Variants in ARFGAP3 observed in about 807,000 individuals in gnomAD.
The protein encoded by ARFGAP3 is ARF GTPase activating protein 3, also known as ADP-ribosylation factor GTPase-activating protein 3.
Under a neutral mutation model 75.0 loss-of-function variants are expected in ARFGAP3, and 72 were observed. The ratio of observed to expected loss-of-function variants is 0.96; its 90% confidence interval spans 0.79 to 1.17. The LOEUF (loss-of-function observed/expected upper bound fraction) is 1.17. Among genes scored for constraint, ARFGAP3 ranks in the 50% most tolerant of loss-of-function variants. The pLI, the probability that ARFGAP3 is intolerant of heterozygous loss-of-function variation, is 0.00. For missense variants in ARFGAP3, 620 were observed against 626.6 expected, an observed-to-expected ratio of 0.99 and a Z score of 0.11; for synonymous variants, 221 against 217.9, an observed-to-expected ratio of 1.01 and a Z score of -0.13.
At chr22:42,844,623 A>C (rs1926932559) in intron 2 of ARFGAP3, among the ~76,000 whole-genome samples, 1 of 151,440 alleles carries the variant, frequency 6.6e-6, no homozygotes, top group African/African-American at 2.4e-5. Flanking sequence ...AACCCAAAAA[A>C]CTCCCAAGCT....
intron 14 of ARFGAP3, among the ~76,000 whole-genome samples, chr22:42,801,856 G>A (rs969697711): frequency 6.6e-6 from 1 of 152,150 alleles, no homozygotes; most frequent in East Asian, 1.9e-4. Flanking sequence ...TGGTGCAAGG[G>A]GGCCTAACCA....
chr22:42,842,011 CTTTTTTTT>C (rs55825441), intron 2 of ARFGAP3, among the ~76,000 whole-genome samples: 1 of 91,274 alleles, frequency 1.1e-5, no homozygotes, highest in Non-Finnish European at 2.0e-5. Context: ...CCATGCCGGG[CTTTTTTTT>C]TTTTTTTTTT....
chr22:42,799,283 G>A, intron 14 of ARFGAP3, 123 bp from the exon 15 acceptor site: 1 of 1,505,880 alleles, frequency 6.6e-7, no homozygotes. Context: ...GCCTCACAAG[G>A]GGCCCAACAG....
chr22:42,849,475 TTTTTCTTTTTTTTTTAAGGAGACAAGGTC>T (rs1927172747), intron 1 of ARFGAP3, among the ~76,000 whole-genome samples: 3 of 117,504 alleles, frequency 2.6e-5, no homozygotes, highest in Admixed American at 8.4e-5. Context: ...TTTATGGCTT[TTTTTCTTTTTTTTTTAAGGAGACAAGGTC>T]TGGCTCTCAC....
At position 42,831,589 on chromosome 22, in the gene ARFGAP3, T is replaced by TA; in HGVS notation, c.524dup (p.Leu175PhefsTer13). 6.2e-7 allele frequency: 1 copy of TA among 1,614,032 alleles called. No homozygotes were observed. Among genetic ancestry groups the TA allele is most frequent in the Non-Finnish European group, 8.5e-7 (1 of 1,179,974 alleles). Reference sequence around the variant, plus strand: ...AAGTGGTTTCCACAGGCCTTGATGTTAAAGAAGATGGTTCTGCTATTGCTG... The same window carrying TA: ...AAGTGGTTTCCACAGGCCTTGATGTTAAAAGAAGATGGTTCTGCTATTGCTG... On this transcript the variant is annotated frameshift_variant, in exon 6 of 16. Coordinates refer to ENST00000263245, the MANE Select transcript of ARFGAP3 (RefSeq NM_014570.5). LOFTEE classifies it high-confidence loss of function.
At chr22:42,830,638 T>A (rs1926244367) in intron 6 of ARFGAP3, among the ~76,000 whole-genome samples, 1 of 152,258 alleles carries the variant, frequency 6.6e-6, no homozygotes, top group African/African-American at 2.4e-5. Context: ...AAGAGCTGAC[T>A]ACTCATGTCA....
chr22:42,823,932 T>C (rs1351896536), intron 7 of ARFGAP3: 1 of 203,114 alleles, frequency 4.9e-6, no homozygotes, highest in Non-Finnish European at 8.2e-6. Flanking sequence ...TCAGAGAAAA[T>C]GTATTTTTTT....
intron 9 of ARFGAP3, 54 bp downstream of exon 9, chr22:42,822,216 G>T: frequency 1.4e-6 from 2 of 1,389,704 alleles, no homozygotes; most frequent in Non-Finnish European, 2.0e-6. Flanking sequence ...GCAAAATCTT[G>T]AGTTAATAGT....
chr22:42,832,180 C>A lies in ARFGAP3; in HGVS notation c.478-544G>T, dbSNP rs1242666927. ...ATAATAGCAAAAAAAAAAAAAAAAC[C>A]CAAAAAACAAGCTTTAACAACCTGT... On this transcript the variant is annotated intron_variant, in intron 5 of 15. Coordinates refer to ENST00000263245, the MANE Select transcript of ARFGAP3 (RefSeq NM_014570.5). Among the ~76,000 whole-genome samples the A allele has an allele frequency of 7.0e-4, 44 of 63,272 alleles. 1 individual carries two copies. In the South Asian group the frequency reaches 0.015, roughly 22 times the overall value. The allele number at this position is 63,272 out of a possible 152,430, so 41.5% of individuals were successfully genotyped here. A position where few individuals can be genotyped will look rare whatever the true frequency, so the allele number is the denominator to read the frequency against.
rs1926754653 is a variant in ARFGAP3 at position 42,840,951 on chromosome 22, G to C, written c.254C>G (p.Ala85Gly). 1 of 1,613,940 alleles carries C rather than the reference G, an allele frequency of 6.2e-7. No homozygotes were observed. The highest frequency in any genetic ancestry group is 1.3e-5 in the African/African-American group (1 of 74,940). ...AGTTTGAGATGAACTTACTGCACTA[G>C]CGTTTCCTCCGACTTGCATGCATCG... Reference protein sequence around the residue: ...QLRCMQVGGNASASSFFHQHG... With the variant: ...QLRCMQVGGNGSASSFFHQHG... Residue 85 changes from alanine to glycine, a missense_variant, in exon 3 of 16, where the codon GCT (alanine) becomes GGT (glycine). By Grantham distance (60) the Ala-to-Gly change is moderately conservative. Transcript: ENST00000263245.
intron 13 of ARFGAP3, chr22:42,807,380 A>T: frequency 2.2e-6 from 1 of 462,122 alleles, no homozygotes; most frequent in Non-Finnish European, 2.8e-6. Flanking sequence ...ATCAACATAC[A>T]ACACCTCAGC....
intron 6 of ARFGAP3, 143 bp downstream of exon 6, chr22:42,831,406 A>G (rs1227609750): frequency 5.9e-6 from 4 of 676,282 alleles, no homozygotes; most frequent in East Asian, 6.2e-5. Context: ...TGCTGGGCTC[A>G]GGCGATCCCC....
Position 42,823,855 on chromosome 22 carries a change from A to C in ARFGAP3, c.626-153T>G, listed in dbSNP as rs1981720415. 4.3e-6 allele frequency: 3 copies of C among 691,252 alleles called. No homozygotes were observed. In the South Asian group the frequency reaches 1.9e-4, roughly 44 times the overall value. The allele number at this position is 691,252 out of a possible 1,614,324, so 42.8% of individuals were successfully genotyped here. A position where few individuals can be genotyped will look rare whatever the true frequency, so the allele number is the denominator to read the frequency against. ...CTCATCCAGAAGACTCAAGTTGATAAGCATATTTTGGATTAACAGAACTTT... is the reference window on the plus strand; with the variant it reads ...CTCATCCAGAAGACTCAAGTTGATACGCATATTTTGGATTAACAGAACTTT... On this transcript the variant is annotated intron_variant, in intron 7 of 15. Transcript: ENST00000263245.
chr22:42,843,024 C>T (rs547584691), intron 2 of ARFGAP3, among the ~76,000 whole-genome samples: 6 of 152,066 alleles, frequency 3.9e-5, no homozygotes, highest in Non-Finnish European at 8.8e-5. Context: ...GAAAGCAAGA[C>T]ATTCAGAGGT....
At chr22:42,834,624 T>C (rs1285225797) in intron 4 of ARFGAP3, among the ~76,000 whole-genome samples, 1 of 152,234 alleles carries the variant, frequency 6.6e-6, no homozygotes, top group Non-Finnish European at 1.5e-5. Context: ...CAATCCTTGT[T>C]ATTCATGGAT....
chr22:42,807,174 C>T lies in ARFGAP3; in HGVS notation c.1321-11G>A. On this transcript the variant is annotated splice_polypyrimidine_tract_variant and intron_variant, in intron 13 of 15. Coordinates refer to ENST00000263245, the MANE Select transcript of ARFGAP3 (RefSeq NM_014570.5). ...GGCCCTGGTCTCATACTAGAGAAGA[C>T]AAGGAAAAGGAAATGTTAGGCTCCA... is the stretch of plus-strand genomic sequence containing the variant. The T allele has an allele frequency of 4.4e-6, 7 of 1,600,914 alleles. No individual in the cohort carries two copies. Among genetic ancestry groups the T allele is most frequent in the Non-Finnish European group, 6.0e-6 (7 of 1,174,748 alleles).
chr22:42,842,175 T>C (rs1482654853), intron 2 of ARFGAP3, among the ~76,000 whole-genome samples: 1 of 151,944 alleles, frequency 6.6e-6, no homozygotes, highest in Non-Finnish European at 1.5e-5. Flanking sequence ...CGGCTAATTT[T>C]TGTATTTTTA....
chr22:42,850,673 T>C (rs1927240391), intron 1 of ARFGAP3, among the ~76,000 whole-genome samples: 1 of 151,012 alleles, frequency 6.6e-6, no homozygotes, highest in Non-Finnish European at 1.5e-5. Flanking sequence ...TGGCTTCTGG[T>C]CTTTTCAGGG....
intron 3 of ARFGAP3, among the ~76,000 whole-genome samples, chr22:42,838,533 G>C (rs927282124): frequency 6.6e-5 from 10 of 151,798 alleles, no homozygotes; most frequent in Admixed American, 6.6e-5. Context: ...CTGGACTCAA[G>C]TGATCCTCTC....
Sources: allele counts gnomAD v4.1 joint callset (sites outside exome capture counted in the v4.1 genomes callset), GRCh38; gene constraint gnomAD v4.1.1; transcripts MANE v1.5; gene names NCBI Gene and HGNC (gene_info 2026-07-23, HGNC 2026-07-21).